SMARCAD1: variants seen among roughly 807,000 people sequenced by gnomAD.
SMARCAD1 encodes the protein SNF2 related chromatin remodeling ATPase with DExD box 1.
A neutral mutation model predicts 127.1 loss-of-function variants in SMARCAD1; 25 were observed. The ratio of observed to expected loss-of-function variants is 0.20; its 90% CI spans 0.14 to 0.27. The LOEUF (loss-of-function observed/expected upper bound fraction) is 0.27, where lower values mean the gene tolerates loss of function less well. Ranked by LOEUF, SMARCAD1 falls within the 10% of genes least tolerant of loss-of-function variation. SMARCAD1 has a pLI of 1.00. For synonymous variants in SMARCAD1, 400 were observed against 396.9 expected, an observed-to-expected ratio of 1.01 and a Z score of -0.09; for missense variants, 807 against 1,206.0, an observed-to-expected ratio of 0.67 and a Z score of 4.90.
In SMARCAD1 at chr4:94,270,719, CTT is replaced by C; in HGVS notation, c.1482-7_1482-6del. 6.2e-7 allele frequency: 1 copy of C among 1,608,394 alleles called. No individual in the cohort carries two copies. The highest frequency in any genetic ancestry group is 8.5e-7 in the Non-Finnish European group (1 of 1,175,032). ...GATGTGTAATATTTGGTAACTCTCT[CTT>C]TACCAGTTTGTCACTCAAGCCCTAT... On this transcript the variant is annotated splice_region_variant and splice_polypyrimidine_tract_variant and intron_variant, in intron 10 of 23. Coordinates refer to ENST00000354268, the MANE Select transcript of SMARCAD1 (RefSeq NM_020159.5).
At chr4:94,243,771 T>C (rs1057373393) in intron 6 of SMARCAD1, among the ~76,000 whole-genome samples, 6 of 152,220 alleles carry the variant, frequency 3.9e-5, no homozygotes, top group African/African-American at 1.4e-4. Context: ...CTTTTTACCA[T>C]GTATATTATC....
At chr4:94,289,015 G>A (rs144178841) in intron 23 of SMARCAD1, among the ~76,000 whole-genome samples, 2 of 152,238 alleles carry the variant, frequency 1.3e-5, no homozygotes, top group East Asian at 3.9e-4. Flanking sequence ...TGCTCAGAAT[G>A]TTGTTTATAT....
At position 94,289,458 on chromosome 4, in the gene SMARCAD1, C is replaced by T; in HGVS notation, c.3020-15C>T. 1 of 1,606,930 alleles carries T rather than the reference C, an allele frequency of 6.2e-7. No homozygotes were observed. Among genetic ancestry groups the T allele is most frequent in the Non-Finnish European group, 8.5e-7 (1 of 1,174,350 alleles). On this transcript the variant is annotated splice_polypyrimidine_tract_variant and intron_variant, in intron 23 of 23. Coordinates refer to ENST00000354268, the MANE Select transcript of SMARCAD1 (RefSeq NM_020159.5). ...TATTTTTATAAAGCTTTTAATGCTA[C>T]TTTCTGACCTACAGGTGATGAAGGG...
intron 10 of SMARCAD1, among the ~76,000 whole-genome samples, chr4:94,268,332 A>G (rs541048656): frequency 2.6e-5 from 4 of 152,132 alleles, no homozygotes; most frequent in African/African-American, 9.6e-5. Context: ...TCTTTTCCCA[A>G]TGTGTGTTGG....
chr4:94,222,721 A>G (rs182792689), intron 2 of SMARCAD1, among the ~76,000 whole-genome samples: 13 of 152,216 alleles, frequency 8.5e-5, no homozygotes, highest in African/African-American at 2.6e-4. Flanking sequence ...CCAACATTTC[A>G]GGAGGCCGAG....
At chr4:94,216,048 C>T (rs1743119025) in intron 2 of SMARCAD1, among the ~76,000 whole-genome samples, 1 of 152,108 alleles carries the variant, frequency 6.6e-6, no homozygotes, top group Non-Finnish European at 1.5e-5. Flanking sequence ...GCTGGGAAGT[C>T]CAAAATCAAG....
chr4:94,239,802 A>G (rs1464142368), intron 5 of SMARCAD1, among the ~76,000 whole-genome samples: 1 of 152,058 alleles, frequency 6.6e-6, no homozygotes, highest in Non-Finnish European at 1.5e-5. Context: ...CGAACTCCTG[A>G]GCCCCAGAGA....
intron 6 of SMARCAD1, among the ~76,000 whole-genome samples, chr4:94,242,175 G>A (rs552017217): frequency 6.6e-6 from 1 of 151,490 alleles, no homozygotes; most frequent in African/African-American, 2.4e-5. Context: ...CTGGGATTAC[G>A]GGAGTGCAGC....
Position 94,234,040 on chromosome 4 carries a change from C to T in SMARCAD1, c.455C>T (p.Ser152Leu), listed in dbSNP as rs1313402430. Reference protein sequence around the residue: ...NDDISELEDLSELEDLKDAKL... With the variant: ...NDDISELEDLLELEDLKDAKL... Reference sequence around the variant, plus strand: ...GATATTTCAGAACTGGAAGACCTTTCGGAATTGGAAGACCTTAAAGATGCT... The same window carrying T: ...GATATTTCAGAACTGGAAGACCTTTTGGAATTGGAAGACCTTAAAGATGCT... Residue 152 changes from serine (S) to leucine (L), a missense_variant, in exon 4 of 24, where the codon TCG becomes TTG. By Grantham distance (145) the Ser-to-Leu change is moderately radical. This residue lies in a region of SMARCAD1 where 48 missense variants were observed against 90.8 expected (regional missense o/e 0.53). Transcript: ENST00000354268. The T allele has an allele frequency of 4.3e-6, 7 of 1,613,556 alleles. No individual in the cohort carries two copies. Among genetic ancestry groups the T allele is most frequent in the Admixed American group, 1.7e-5 (1 of 59,958 alleles).
chr4:94,284,326 C>CAAAAAAAAA (rs1161926658), intron 22 of SMARCAD1, among the ~76,000 whole-genome samples: 31 of 25,892 alleles, frequency 1.2e-3, no homozygotes, highest in African/African-American at 1.8e-3. Context: ...GACTCCGTCT[C>CAAAAAAAAA]AAAAAAAAAA....
In SMARCAD1 at chr4:94,235,989, C is replaced by G. The variant is rs114343975; in HGVS notation, c.538-963C>G. Among the ~76,000 whole-genome samples, 296 of 152,156 alleles carry G rather than the reference C, an allele frequency of 1.9e-3. 2 individuals are homozygous for G. Among genetic ancestry groups the G allele is most frequent in the Non-Finnish European group, 3.0e-3 (201 of 67,990 alleles). ...TGAAGTAATCTCTATTTCAAGTGAT[C>G]CCCTTCAGTTCTAGAAATTTAAAGG... On this transcript the variant is annotated intron_variant, in intron 4 of 23. Coordinates refer to ENST00000354268, the MANE Select transcript of SMARCAD1 (RefSeq NM_020159.5).
At chr4:94,237,618 A>G (rs1746883100) in intron 5 of SMARCAD1, among the ~76,000 whole-genome samples, 1 of 152,104 alleles carries the variant, frequency 6.6e-6, no homozygotes, top group African/African-American at 2.4e-5. Context: ...GTCATTCTCA[A>G]CTTTTTTCCT....
At chr4:94,216,966 A>G (rs943420614) in intron 2 of SMARCAD1, among the ~76,000 whole-genome samples, 28 of 152,222 alleles carry the variant, frequency 1.8e-4, no homozygotes, top group African/African-American at 6.3e-4. Context: ...TTGCTGGATC[A>G]TATAGTAATT....
At chr4:94,209,461 A>G (rs1476302546) in intron 2 of SMARCAD1, among the ~76,000 whole-genome samples, 2 of 152,210 alleles carry the variant, frequency 1.3e-5, no homozygotes, top group Non-Finnish European at 2.9e-5. Context: ...GTTGGAAGTT[A>G]TATTTTAATA....
At chr4:94,235,840 ATCTT>A (rs780192562) in intron 4 of SMARCAD1, among the ~76,000 whole-genome samples, 13 of 152,194 alleles carry the variant, frequency 8.5e-5, no homozygotes, top group Admixed American at 3.3e-4. Flanking sequence ...TCTTGTAAAA[ATCTT>A]TCTAATTTTG....
intron 11 of SMARCAD1, among the ~76,000 whole-genome samples, chr4:94,273,013 C>G (rs1752764979): frequency 1.3e-5 from 2 of 151,746 alleles, no homozygotes; most frequent in Non-Finnish European, 1.5e-5. Flanking sequence ...GCCATGTTGC[C>G]CGGGCTTGTC....
chr4:94,234,189 A>G (rs1050759467), intron 4 of SMARCAD1, 67 bp downstream of exon 4: 1 of 1,349,770 alleles, frequency 7.4e-7, no homozygotes, highest in Admixed American at 2.1e-5. Flanking sequence ...TGCTATAGTT[A>G]GTAGTGGATA....
In SMARCAD1 at chr4:94,289,343, G is replaced by A. The variant is rs1755397288; in HGVS notation, c.3020-130G>A. 9 of 758,604 alleles carry A rather than the reference G, an allele frequency of 1.2e-5. No homozygotes were observed. The South Asian group carries it at 1.4e-4, about 12-fold the overall frequency. The allele number at this position is 758,604 out of a possible 1,614,324, so 47.0% of individuals were successfully genotyped here. A position where few individuals can be genotyped will look rare whatever the true frequency, so the allele number is the denominator to read the frequency against. ...GCTTAGGAAAGTTTTTAACAGGGGT[G>A]AGTGACACTGAAGCAAACTAGCCCT... On this transcript the variant is annotated intron_variant, in intron 23 of 23. Transcript: ENST00000354268.
intron 23 of SMARCAD1, among the ~76,000 whole-genome samples, chr4:94,286,480 T>C (rs1311326509): frequency 6.6e-6 from 1 of 152,226 alleles, no homozygotes; most frequent in Non-Finnish European, 1.5e-5. Context: ...GGGTGTGAAC[T>C]AGCCTTGCAT....
Sources: allele counts gnomAD v4.1 joint callset (sites outside exome capture counted in the v4.1 genomes callset), GRCh38; gene constraint gnomAD v4.1.1; regional missense constraint gnomAD v4.1.1; transcripts MANE v1.5; gene names NCBI Gene and HGNC (gene_info 2026-07-23, HGNC 2026-07-21).